Variants in ZBTB7C observed in about 807,000 individuals in gnomAD.
The protein encoded by ZBTB7C is zinc finger and BTB domain containing 7C.
ZBTB7C carries 8 observed loss-of-function variants against 25.7 expected under a neutral mutation model. That is an observed-to-expected ratio of 0.31 (90% CI 0.18 to 0.56). The LOEUF (loss-of-function observed/expected upper bound fraction) is 0.56, where lower values mean the gene tolerates loss of function less well. Among genes scored for constraint, ZBTB7C ranks in the 20% least tolerant of loss-of-function variants. ZBTB7C has a pLI of 0.91. For missense variants in ZBTB7C, 824 were observed against 855.2 expected (o/e 0.96, Z 0.46); for synonymous variants, 394 against 369.0 (o/e 1.07, Z -0.78).
intron 2 of ZBTB7C, among the ~76,000 whole-genome samples, chr18:48,190,376 G>T (rs1013266738): frequency 6.6e-6 from 1 of 152,200 alleles, no homozygotes; most frequent in Non-Finnish European, 1.5e-5. Context: ...CAACACATTT[G>T]TTGAGTACCT....
rs1278754571 is a variant in ZBTB7C, at chr18:48,214,675, ACT to A, written c.-78-28682_-78-28681del. On this transcript the variant is annotated intron_variant, in intron 2 of 4. Coordinates refer to ENST00000590800, the MANE Select transcript of ZBTB7C (RefSeq NM_001318841.2). The stretch of plus-strand genomic sequence containing the variant: ...TTCTTAATAAACTTGCATTCACTTC[ACT>A]CTGTTAGCTCGCTCTTGAATTTCTT... 3.9e-5 allele frequency among the ~76,000 whole-genome samples: 6 copies of A among 152,144 alleles called. No individual in the cohort carries two copies. In the East Asian group the frequency reaches 7.7e-4, roughly 20 times the overall value.
chr18:48,100,000 C>T (rs1568217531), intron 3 of ZBTB7C, among the ~76,000 whole-genome samples: 1 of 152,190 alleles, frequency 6.6e-6, no homozygotes, highest in Non-Finnish European at 1.5e-5. Flanking sequence ...CAGAGCCACT[C>T]CTGGAGTGGG....
chr18:48,374,951 C>T (rs1365782998), intron 1 of ZBTB7C, among the ~76,000 whole-genome samples: 1 of 139,720 alleles, frequency 7.2e-6, no homozygotes, highest in East Asian at 1.9e-4. Flanking sequence ...AGGGTGGGAC[C>T]CAAGCTCTTC....
intron 1 of ZBTB7C, among the ~76,000 whole-genome samples, chr18:48,347,124 GTTTTT>G (rs1158209713): frequency 2.5e-5 from 2 of 80,508 alleles, no homozygotes; most frequent in Non-Finnish European, 2.3e-5. Context: ...GTTTTTGTTT[GTTTTT>G]TTTTTTTTTT....
intron 3 of ZBTB7C, among the ~76,000 whole-genome samples, chr18:48,054,663 C>T (rs1179895294): frequency 2.0e-5 from 3 of 152,188 alleles, no homozygotes; most frequent in Non-Finnish European, 2.9e-5. Context: ...CCGTCCACCA[C>T]GAGAACCGCC....
intron 2 of ZBTB7C, among the ~76,000 whole-genome samples, chr18:48,308,561 C>T (rs1407364102): frequency 1.3e-5 from 2 of 152,172 alleles, no homozygotes; most frequent in African/African-American, 2.4e-5. Context: ...TGGACCAATA[C>T]GTTTGTAAAA....
At chr18:48,095,607 G>A (rs1299834881) in intron 3 of ZBTB7C, among the ~76,000 whole-genome samples, 1 of 152,114 alleles carries the variant, frequency 6.6e-6, no homozygotes, top group Non-Finnish European at 1.5e-5. Context: ...AGCTACTCCA[G>A]AGGCTGAGGC....
Position 48,041,033 on chromosome 18 carries a change from A to G in ZBTB7C, c.75T>C (p.Asn25=). 6.2e-7 allele frequency: 1 copy of G among 1,613,964 alleles called. No homozygotes were observed. The highest frequency in any genetic ancestry group is 8.5e-7 in the Non-Finnish European group (1 of 1,179,942). ...NHSSEVLCSL[N]EQRHDGLLCD... ...ACAGCAGGCCATCGTGCCGTTGCTC[A>G]TTGAGGCTGCACAGGACCTCACTGC... Residue 25 remains asparagine (N), a synonymous_variant, in exon 4 of 5, where the codon AAT becomes AAC. Coordinates refer to ENST00000590800, the MANE Select transcript of ZBTB7C (RefSeq NM_001318841.2).
At chr18:48,077,884 C>G (rs1419679513) in intron 3 of ZBTB7C, among the ~76,000 whole-genome samples, 1 of 151,820 alleles carries the variant, frequency 6.6e-6, no homozygotes, top group African/African-American at 2.4e-5. Context: ...GGTCCCTTAG[C>G]CTCCCCAGCT....
intron 3 of ZBTB7C, among the ~76,000 whole-genome samples, chr18:48,178,736 A>G (rs985097435): frequency 2.0e-5 from 3 of 152,156 alleles, no homozygotes; most frequent in African/African-American, 7.2e-5. Context: ...AGTAAAGACG[A>G]AGGCCTTTCA....
intron 3 of ZBTB7C, among the ~76,000 whole-genome samples, chr18:48,178,512 T>C (rs1013973290): frequency 6.6e-6 from 1 of 152,232 alleles, no homozygotes; most frequent in Non-Finnish European, 1.5e-5. Context: ...ATACCTTTCT[T>C]TCTTTCTTTT....
intron 3 of ZBTB7C, among the ~76,000 whole-genome samples, chr18:48,134,408 AAGG>A (rs1555697902): frequency 6.6e-6 from 1 of 152,096 alleles, no homozygotes; most frequent in Non-Finnish European, 1.5e-5. Context: ...AGCTAAAACG[AAGG>A]AGGACAGGAT....
At position 48,332,428 on chromosome 18, in the gene ZBTB7C, T is replaced by C. The variant is rs538896377; in HGVS notation, c.-79+5746A>G. On this transcript the variant is annotated intron_variant, in intron 2 of 4. Coordinates refer to ENST00000590800, the MANE Select transcript of ZBTB7C (RefSeq NM_001318841.2). Reference sequence around the variant, plus strand: ...ACATGGCAGCTGGCTGTCCCACTTGTAGCAAAGCATAAATTGATTTGGGGG... The same window carrying C: ...ACATGGCAGCTGGCTGTCCCACTTGCAGCAAAGCATAAATTGATTTGGGGG... 1.5e-3 allele frequency among the ~76,000 whole-genome samples: 235 copies of C among 152,298 alleles called. 2 individuals carry two copies. The highest frequency in any genetic ancestry group is 5.4e-3 in the African/African-American group (223 of 41,574).
chr18:48,399,564 G>A (rs1334640304), intron 1 of ZBTB7C, among the ~76,000 whole-genome samples: 1 of 152,172 alleles, frequency 6.6e-6, no homozygotes, highest in African/African-American at 2.4e-5. Context: ...CTCTGGCCCT[G>A]GGCTCCTCAA....
At chr18:48,114,168 G>A (rs2039343298) in intron 3 of ZBTB7C, among the ~76,000 whole-genome samples, 1 of 152,188 alleles carries the variant, frequency 6.6e-6, no homozygotes, top group Admixed American at 6.5e-5. Flanking sequence ...GGGACACTGG[G>A]AACTGATGGA....
At chr18:48,395,904 C>A (rs28449383) in intron 1 of ZBTB7C, among the ~76,000 whole-genome samples, 5,435 of 152,146 alleles carry the variant, frequency 0.036, 340 homozygotes, top group African/African-American at 0.12. Context: ...AAGAAAAAAG[C>A]TTTTAGTTAA....
At chr18:48,126,812 T>C (rs1328896689) in intron 3 of ZBTB7C, among the ~76,000 whole-genome samples, 1 of 151,812 alleles carries the variant, frequency 6.6e-6, no homozygotes, top group East Asian at 1.9e-4. Context: ...GGATCTAAAG[T>C]CTTGCTGGCC....
intron 2 of ZBTB7C, among the ~76,000 whole-genome samples, chr18:48,223,864 G>A (rs531133983): frequency 2.1e-4 from 32 of 152,318 alleles, no homozygotes; most frequent in Middle Eastern, 6.8e-3. Flanking sequence ...AGAAACCTAA[G>A]TGACTTACTT....
chr18:48,110,210 T>C (rs2039187542), intron 3 of ZBTB7C, among the ~76,000 whole-genome samples: 1 of 152,214 alleles, frequency 6.6e-6, no homozygotes, highest in Non-Finnish European at 1.5e-5. Flanking sequence ...TTCTAGTCTT[T>C]GGGCCCCACC....
Sources: allele counts gnomAD v4.1 joint callset (sites outside exome capture counted in the v4.1 genomes callset), GRCh38; gene constraint gnomAD v4.1.1; transcripts MANE v1.5; gene names NCBI Gene and HGNC (gene_info 2026-07-23, HGNC 2026-07-21).